KIF18A: variants seen among roughly 807,000 people sequenced by gnomAD.
KIF18A encodes the protein kinesin-like protein KIF18A.
KIF18A carries 67 observed loss-of-function variants against 103.3 expected under a neutral mutation model. The ratio of observed to expected loss-of-function variants is 0.65; its 90% CI spans 0.53 to 0.79. The LOEUF is 0.79. Ranked by LOEUF, KIF18A falls within the 30% of genes least tolerant of loss-of-function variation. The pLI, the probability that KIF18A is intolerant of heterozygous loss-of-function variation, is 0.00. For missense variants in KIF18A, 1,032 were observed against 1,062.5 expected (o/e 0.97, Z 0.40); for synonymous variants, 367 against 355.5 (o/e 1.03, Z -0.36).
intron 13 of KIF18A, among the ~76,000 whole-genome samples, chr11:28,058,334 G>A (rs141315801): frequency 3.1e-4 from 47 of 151,512 alleles, no homozygotes; most frequent in African/African-American, 1.0e-3. Context: ...AAAGAAGGAT[G>A]GGAAGCAAAA....
chr11:28,076,898 C>T (rs1017999536), intron 10 of KIF18A, 109 bp downstream of exon 10: 7 of 532,068 alleles, frequency 1.3e-5, no homozygotes, highest in Non-Finnish European at 2.1e-5. Context: ...TGTGCCACTG[C>T]ACTCCAGCTT....
chr11:28,051,748 T>C (rs1850714971), intron 13 of KIF18A, among the ~76,000 whole-genome samples: 1 of 152,094 alleles, frequency 6.6e-6, no homozygotes, highest in Admixed American at 6.6e-5. Context: ...TTTCATCCTG[T>C]CCTATGGCTT....
chr11:28,094,555 C>G (rs1234096879), intron 3 of KIF18A, 88 bp downstream of exon 3: 1 of 859,550 alleles, frequency 1.2e-6, no homozygotes. Flanking sequence ...TATATATTCA[C>G]CGGAAAACTC....
chr11:28,030,340 C>T (rs1850378732), intron 15 of KIF18A, among the ~76,000 whole-genome samples: 1 of 151,726 alleles, frequency 6.6e-6, no homozygotes, highest in Non-Finnish European at 1.5e-5. Flanking sequence ...GAGATATAGA[C>T]CAATGGAACA....
intron 9 of KIF18A, among the ~76,000 whole-genome samples, chr11:28,077,599 G>A (rs991278237): frequency 3.3e-5 from 5 of 152,114 alleles, no homozygotes; most frequent in Admixed American, 2.0e-4. Flanking sequence ...GTGTTGTTAC[G>A]GTGTTGGCTC....
intron 10 of KIF18A, 49 bp from the exon 11 acceptor site, chr11:28,069,472 T>G: frequency 6.5e-7 from 1 of 1,538,818 alleles, no homozygotes; most frequent in East Asian, 2.3e-5. Context: ...TGATATTTGA[T>G]GTACATGATA....
At chr11:28,075,343 T>A (rs1358667359) in intron 10 of KIF18A, among the ~76,000 whole-genome samples, 5 of 152,160 alleles carry the variant, frequency 3.3e-5, no homozygotes, top group Non-Finnish European at 7.4e-5. Context: ...CTGTGTCACC[T>A]TGGACAAAAT....
At chr11:28,105,857 T>C (rs1028858019) in intron 1 of KIF18A, among the ~76,000 whole-genome samples, 2 of 152,222 alleles carry the variant, frequency 1.3e-5, no homozygotes, top group Non-Finnish European at 2.9e-5. Context: ...CTCTGTCTCA[T>C]GCATTATAGT....
chr11:28,105,002 C>T (rs1851487324), intron 1 of KIF18A, among the ~76,000 whole-genome samples: 1 of 151,954 alleles, frequency 6.6e-6, no homozygotes. Context: ...TAAACAAGGT[C>T]TAGGTATTTT....
chr11:28,055,496 G>C (rs1033935057), intron 13 of KIF18A, among the ~76,000 whole-genome samples: 7 of 152,146 alleles, frequency 4.6e-5, no homozygotes, highest in Non-Finnish European at 8.8e-5. Flanking sequence ...AGTGCTAAGA[G>C]CTTTGGGGGA....
intron 13 of KIF18A, 44 bp from the exon 14 acceptor site, chr11:28,036,708 T>G: frequency 8.1e-7 from 1 of 1,236,828 alleles, no homozygotes; most frequent in Non-Finnish European, 1.1e-6. Context: ...TGTTTCCTAG[T>G]TTTTTAAATA....
chr11:28,062,794 T>C (rs1850872212), intron 11 of KIF18A, among the ~76,000 whole-genome samples: 1 of 152,084 alleles, frequency 6.6e-6, no homozygotes, highest in Non-Finnish European at 1.5e-5. Context: ...TTCACAATGT[T>C]GTAAAAATAC....
At chr11:28,045,278 C>A (rs1437976350) in intron 13 of KIF18A, among the ~76,000 whole-genome samples, 1 of 151,786 alleles carries the variant, frequency 6.6e-6, no homozygotes, top group Non-Finnish European at 1.5e-5. Flanking sequence ...TTAAGTCTAC[C>A]TATAAGGACA....
intron 11 of KIF18A, among the ~76,000 whole-genome samples, chr11:28,068,759 T>C (rs11030203): frequency 0.46 from 70,606 of 152,012 alleles, 17,929 homozygotes; most frequent in Admixed American, 0.56. Context: ...CAAGACTTAT[T>C]GTTAAGAGAA....
intron 7 of KIF18A, 21 bp from the exon 8 acceptor site, chr11:28,083,264 T>C (rs985277470): frequency 6.5e-7 from 1 of 1,545,748 alleles, no homozygotes; most frequent in Non-Finnish European, 8.6e-7. Flanking sequence ...ATAGAAATTA[T>C]GATTGTTTAT....
At chr11:28,063,746 T>C (rs982703829) in intron 11 of KIF18A, among the ~76,000 whole-genome samples, 3 of 152,004 alleles carry the variant, frequency 2.0e-5, no homozygotes, top group Admixed American at 2.0e-4. Flanking sequence ...GAACCCCATA[T>C]GCAGGGGAGC....
At chr11:28,085,071 CATTACGA>C (rs908193074) in intron 6 of KIF18A, among the ~76,000 whole-genome samples, 33 of 152,182 alleles carry the variant, frequency 2.2e-4, no homozygotes, top group Middle Eastern at 6.8e-3. Flanking sequence ...CTCTTTGTTG[CATTACGA>C]ATATAACCTA....
In KIF18A at chr11:28,091,424, T is replaced by C. The variant is rs144905855; in HGVS notation, c.573A>G (p.Gly191=). 2 of 1,593,876 alleles carry C rather than the reference T, an allele frequency of 1.3e-6. No individual in the cohort carries two copies. The highest frequency in any genetic ancestry group is 1.3e-5 in the African/African-American group (1 of 74,490). Residue 191 remains glycine, a synonymous_variant, in exon 4 of 17, where the codon GGA becomes GGG. Coordinates refer to ENST00000263181, the MANE Select transcript of KIF18A (RefSeq NM_031217.4). The part of the protein sequence containing the change: ...EDTQKGVVVH[G]LTLHQPKSSE... ...ATATACATACCTGGTGTAAAGTAAG[T>C]CCATGAACGACCACCCCTTTTTGGG...
intron 1 of KIF18A, among the ~76,000 whole-genome samples, chr11:28,098,888 A>C (rs1418645561): frequency 1.3e-5 from 2 of 151,984 alleles, no homozygotes; most frequent in African/African-American, 2.4e-5. Flanking sequence ...ACAAAAAAAA[A>C]CCAAACCACA....
Sources: gnomAD v4.1 joint callset for allele counts (sites outside exome capture counted in the v4.1 genomes callset) on GRCh38, gnomAD v4.1.1 for gene constraint, MANE v1.5 for transcripts, NCBI Gene and HGNC (gene_info 2026-07-23, HGNC 2026-07-21) for gene names.